Variants in TF observed in about 807,000 individuals in gnomAD.
TF encodes the protein serotransferrin.
TF carries 55 observed loss-of-function variants against 82.4 expected under a neutral mutation model. That is an observed-to-expected ratio of 0.67 (90% CI 0.54 to 0.84). The LOEUF (loss-of-function observed/expected upper bound fraction) is 0.84, where lower values mean the gene tolerates loss of function less well. TF is among the 40% of genes least tolerant of loss of function. TF has a pLI of 0.00. For synonymous variants in TF, 332 were observed against 332.6 expected, an observed-to-expected ratio of 1.00 and a Z score of 0.02; for missense variants, 737 against 868.4, an observed-to-expected ratio of 0.85 and a Z score of 1.90.
chr3:133,733,150 T>G, the TF span, among the ~76,000 whole-genome samples: 1 of 152,232 alleles, frequency 6.6e-6, no homozygotes, highest in Non-Finnish European at 1.5e-5. Flanking sequence ...AATTTATTCT[T>G]TTGTTTAAAA....
At chr3:133,745,211 C>T (rs911659982), upstream of TF, among the ~76,000 whole-genome samples, 17 of 152,212 alleles carry the variant, frequency 1.1e-4, no homozygotes, top group African/African-American at 4.1e-4. Context: ...GACGTGTCCA[C>T]TAGGCTTGAT....
At chr3:133,692,587 T>C in the TF span, among the ~76,000 whole-genome samples, 1 of 152,304 alleles carries the variant, frequency 6.6e-6, no homozygotes, top group Non-Finnish European at 1.5e-5. Flanking sequence ...AACTAGTGTT[T>C]ATTGCCTTGA....
chr3:133,679,569 C>CTTTTTTTTTTTTTTTTTTTTTTTTTTT, the TF span, among the ~76,000 whole-genome samples: 2 of 75,382 alleles, frequency 2.7e-5, no homozygotes, highest in African/African-American at 5.4e-5. Flanking sequence ...CTTTGTTTGG[C>CTTTTTTTTTTTTTTTTTTTTTTTTTTT]TTTTTTTTTT....
chr3:133,711,607 C>T, the TF span, among the ~76,000 whole-genome samples: 1 of 152,114 alleles, frequency 6.6e-6, no homozygotes, highest in Non-Finnish European at 1.5e-5. Flanking sequence ...CCCCTTTGTG[C>T]TCCTCTAGCC....
At chr3:133,687,563 A>G in the TF span, among the ~76,000 whole-genome samples, 2 of 152,156 alleles carry the variant, frequency 1.3e-5, no homozygotes, top group Non-Finnish European at 2.9e-5. Context: ...CCACATACCC[A>G]TTAAACAGTC....
rs1483799618 is a variant in TF at position 133,777,137 on chromosome 3, C to T, written c.1961C>T (p.Thr654Ile). Residue 654 changes from threonine to isoleucine, a missense_variant, in exon 16 of 17, where the codon ACA (threonine) becomes ATA (isoleucine). Coordinates refer to ENST00000402696, the MANE Select transcript of TF (RefSeq NM_001063.4). ...ETKDLLFRDD[T>I]VCLAKLHDRN... is the part of the protein sequence containing the mutation. ...AAGGACCTTCTGTTCAGAGATGACA[C>T]AGTATGTTTGGCCAAACTTCATGAC... The T allele has an allele frequency of 1.9e-6, 3 of 1,614,136 alleles. No homozygotes were observed. The highest frequency in any genetic ancestry group is 2.2e-5 in the East Asian group (1 of 44,884).
chr3:133,724,365 G>A, the TF span, among the ~76,000 whole-genome samples: 1 of 152,124 alleles, frequency 6.6e-6, no homozygotes, highest in African/African-American at 2.4e-5. Flanking sequence ...GTGTAAGATG[G>A]TATCTCATTG....
chr3:133,678,634 A>T, the TF span, among the ~76,000 whole-genome samples: 1 of 151,820 alleles, frequency 6.6e-6, no homozygotes, highest in Non-Finnish European at 1.5e-5. Context: ...TTTTTTCTTA[A>T]GTTTGTTGGC....
chr3:133,746,533 C>CG, intron 1 of TF, 50 bp downstream of exon 1: 1 of 1,560,532 alleles, frequency 6.4e-7, no homozygotes, highest in Non-Finnish European at 8.6e-7. Flanking sequence ...CCGCGCGTTC[C>CG]CTGCAACCCG....
At position 133,777,168 on chromosome 3, in the gene TF, C is replaced by G. The variant is rs141314523; in HGVS notation, c.1992C>G (p.Asn664Lys). Residue 664 changes from asparagine to lysine, a missense_variant, in exon 16 of 17, where the codon AAC becomes AAG. By Grantham distance (94) the Asn-to-Lys change is moderately conservative (BLOSUM62 0). Transcript: ENST00000402696. ...GTTTGGCCAAACTTCATGACAGAAA[C>G]ACATATGAAAAATACTTAGGAGAAG... ...TVCLAKLHDR[N>K]TYEKYLGEEY... 6.2e-7 allele frequency: 1 copy of G among 1,614,050 alleles called. No individual in the cohort carries two copies. The highest frequency in any genetic ancestry group is 1.3e-5 in the African/African-American group (1 of 75,006).
In TF at chr3:133,785,386, G is replaced by A. The variant is rs1406526370; in HGVS notation, c.*6766G>A. On this transcript the variant is annotated 3_prime_UTR_variant, in exon 17 of 17. Coordinates refer to ENST00000402696, the MANE Select transcript of TF (RefSeq NM_001063.4). ...CCCCGCCCGGCCAGCCGCCCTGTCCGGGAGGGAGGTGGGGGTGTCAGCCCC... is the reference window on the plus strand; with the variant it reads ...CCCCGCCCGGCCAGCCGCCCTGTCCAGGAGGGAGGTGGGGGTGTCAGCCCC... 14 of 102,600 alleles carry A rather than the reference G, an allele frequency of 1.4e-4. No individual in the cohort carries two copies. The highest frequency in any genetic ancestry group is 8.8e-4 in the South Asian group (2 of 2,264). 6.4% of individuals were successfully genotyped at this position (102,600 alleles called of 1,614,324 possible).
At position 133,768,176 on chromosome 3, in the gene TF, A is replaced by C. The variant is rs186105958; in HGVS notation, c.1622+12A>C. The C allele has an allele frequency of 3.6e-5, 58 of 1,614,172 alleles. No individual in the cohort carries two copies. In the Admixed American group the frequency reaches 8.0e-4, roughly 22 times the overall value. On this transcript the variant is annotated intron_variant, in intron 13 of 16. Transcript: ENST00000402696. ...ACAGGCGCTTTCAGGTGAGTCTTTT[A>C]ACCCTGAAACAAATAGAATAATATA...
chr3:133,673,144 AC>A, the TF span, among the ~76,000 whole-genome samples: 1 of 152,214 alleles, frequency 6.6e-6, no homozygotes, highest in African/African-American at 2.4e-5. Context: ...GTATGGGGAA[AC>A]CCTGCAGTGA....
At chr3:133,754,006 A>G (rs753205822) in intron 3 of TF, 31 of 511,480 alleles carry the variant, frequency 6.1e-5, no homozygotes, top group Non-Finnish European at 1.0e-4. Context: ...TGATATGTCT[A>G]GGGTCCCTGG....
intron 9 of TF, chr3:133,761,773 T>C (rs530772159): frequency 6.5e-6 from 1 of 152,702 alleles, no homozygotes; most frequent in South Asian, 2.1e-4. Context: ...GCTTTTATTG[T>C]ATGAAAGTGC....
chr3:133,763,874 A>G (rs1227569647), intron 9 of TF, among the ~76,000 whole-genome samples: 1 of 152,224 alleles, frequency 6.6e-6, no homozygotes, highest in Non-Finnish European at 1.5e-5. Context: ...GGTGTCAGAA[A>G]TGTGTCGTAG....
At chr3:133,731,073 A>G in the TF span, among the ~76,000 whole-genome samples, 1 of 152,228 alleles carries the variant, frequency 6.6e-6, no homozygotes, top group African/African-American at 2.4e-5. Context: ...TTTACTTTGG[A>G]CAGCTGAGAA....
At chr3:133,742,882 T>C (rs1448478029), upstream of TF, among the ~76,000 whole-genome samples, 1 of 152,252 alleles carries the variant, frequency 6.6e-6, no homozygotes, top group African/African-American at 2.4e-5. Flanking sequence ...GCTATTTCTT[T>C]AAGGGCCAAC....
At chr3:133,663,975 C>T in the TF span, among the ~76,000 whole-genome samples, 1 of 152,176 alleles carries the variant, frequency 6.6e-6, no homozygotes, top group East Asian at 1.9e-4. Context: ...TCCAGATAAG[C>T]AGAGAGGGTC....
Sources: gnomAD v4.1 joint callset for allele counts (sites outside exome capture counted in the v4.1 genomes callset) on GRCh38, gnomAD v4.1.1 for gene constraint, MANE v1.5 for transcripts, NCBI Gene and HGNC (gene_info 2026-07-23, HGNC 2026-07-21) for gene names.